Variants in DNAI7 observed in about 807,000 individuals in gnomAD.
DNAI7 encodes the protein dynein axonemal intermediate chain 7, also known as cancer susceptibility 1.
DNAI7 carries 78 observed loss-of-function variants against 86.6 expected under a neutral mutation model. The ratio of observed to expected loss-of-function variants is 0.90; its 90% CI spans 0.75 to 1.09. DNAI7 has a LOEUF of 1.09. Ranked by LOEUF, DNAI7 falls within the 50% of genes least tolerant of loss-of-function variation. The pLI is 0.00. For synonymous variants in DNAI7, 274 were observed against 273.0 expected (o/e 1.00, Z -0.04); for missense variants, 753 against 810.2 (o/e 0.93, Z 0.86).
In DNAI7 at chr12:25,138,340, G is replaced by A. The variant is rs368571666; in HGVS notation, c.1002+6025C>T. 3.3e-4 allele frequency among the ~76,000 whole-genome samples: 50 copies of A among 152,260 alleles called. No homozygotes were observed. The East Asian group carries it at 7.9e-3, about 24-fold the overall frequency. On this transcript the variant is annotated intron_variant, in intron 9 of 15. Transcript: ENST00000395987. The stretch of plus-strand genomic sequence containing the variant: ...TAGCTGGGCATGGTGGCATTTGCCC[G>A]TAATTCCAGCTATCCAGGAGGCTGA...
At chr12:25,145,355 C>G (rs1435298040) in intron 8 of DNAI7, among the ~76,000 whole-genome samples, 1 of 152,136 alleles carries the variant, frequency 6.6e-6, no homozygotes, top group Non-Finnish European at 1.5e-5. Context: ...TCCTTACAAC[C>G]CCCACCCCAA....
At chr12:25,189,614 C>A (rs953851353) in intron 2 of DNAI7, among the ~76,000 whole-genome samples, 2 of 152,086 alleles carry the variant, frequency 1.3e-5, no homozygotes, top group African/African-American at 4.8e-5. Flanking sequence ...TGCACTCCAG[C>A]CTGGGTGTCA....
chr12:25,149,894 C>T, intron 6 of DNAI7, 120 bp from the exon 7 acceptor site: 1 of 586,262 alleles, frequency 1.7e-6, no homozygotes, highest in Non-Finnish European at 2.9e-6. Context: ...ATATAGAAAC[C>T]TTTCCTGTAT....
chr12:25,137,332 C>T (rs762475392), intron 9 of DNAI7, among the ~76,000 whole-genome samples: 1 of 152,012 alleles, frequency 6.6e-6, no homozygotes, highest in African/African-American at 2.4e-5. Flanking sequence ...CAAACAAATG[C>T]TAAGAGAATT....
chr12:25,136,098 G>A (rs1386051554), intron 9 of DNAI7, among the ~76,000 whole-genome samples: 2 of 152,168 alleles, frequency 1.3e-5, no homozygotes, highest in African/African-American at 4.8e-5. Context: ...CAAACAGCCA[G>A]CATTTGAGAA....
rs765008474 is a variant in DNAI7 at position 25,114,821 on chromosome 12, T to G, written c.1446A>C (p.Lys482Asn). 1.2e-6 allele frequency: 2 copies of G among 1,613,972 alleles called. No homozygotes were observed. The highest frequency in any genetic ancestry group is 2.7e-5 in the African/African-American group (2 of 74,934). The change falls in exon 13 of 16, where the codon AAA becomes AAC. Residue 482 changes from lysine to asparagine, a missense_variant. Transcript: ENST00000395987. ...DGISNVSYKP[K>N]ERLVTFSLDT... ...CCAGGCTGAATGTTACAAGTCTTTCTTTTGGTTTGTAGGATACATTGCTGA... is the reference window on the plus strand; with the variant it reads ...CCAGGCTGAATGTTACAAGTCTTTCGTTTGGTTTGTAGGATACATTGCTGA...
chr12:25,162,094 A>G (rs1375983464), intron 2 of DNAI7, among the ~76,000 whole-genome samples: 3 of 152,088 alleles, frequency 2.0e-5, no homozygotes, highest in Non-Finnish European at 4.4e-5. Context: ...GGATTTTAAC[A>G]TTCAAGGGAA....
chr12:25,181,670 A>G (rs1368787220), intron 2 of DNAI7, among the ~76,000 whole-genome samples: 1 of 151,942 alleles, frequency 6.6e-6, no homozygotes, highest in African/African-American at 2.4e-5. Flanking sequence ...CAGAATCGAT[A>G]AGGAACTTAA....
In DNAI7 at chr12:25,140,485, C is replaced by T. The variant is rs1944045873; in HGVS notation, c.1002+3880G>A. Among the ~76,000 whole-genome samples, 3 of 151,966 alleles carry T rather than the reference C, an allele frequency of 2.0e-5. No individual in the cohort carries two copies. In the South Asian group the frequency reaches 6.2e-4, roughly 32 times the overall value. ...AATAAATAAATAAATAAATAAAATA[C>T]TTAGGAATACACCTAACCAAGGAGC... On this transcript the variant is annotated intron_variant, in intron 9 of 15. Transcript: ENST00000395987.
At chr12:25,135,128 G>C (rs941468593) in intron 9 of DNAI7, among the ~76,000 whole-genome samples, 1 of 152,160 alleles carries the variant, frequency 6.6e-6, no homozygotes, top group East Asian at 1.9e-4. Context: ...CAAACTCCAT[G>C]AGACAGCCAA....
At chr12:25,118,568 G>T (rs1940660925) in intron 12 of DNAI7, among the ~76,000 whole-genome samples, 1 of 151,616 alleles carries the variant, frequency 6.6e-6, no homozygotes, top group Non-Finnish European at 1.5e-5. Flanking sequence ...TGGCCTGTTT[G>T]TTTTTTTGAG....
intron 2 of DNAI7, among the ~76,000 whole-genome samples, chr12:25,180,513 C>G (rs1457158089): frequency 2.0e-5 from 3 of 152,056 alleles, no homozygotes; most frequent in African/African-American, 7.2e-5. Context: ...AAAGCTGGAG[C>G]CATCACGTTA....
chr12:25,109,639 T>C (rs2140318910), intron 15 of DNAI7, among the ~76,000 whole-genome samples: 1 of 152,310 alleles, frequency 6.6e-6, no homozygotes, highest in East Asian at 1.9e-4. Flanking sequence ...AACAAAGGCA[T>C]AAACTTTATA....
At chr12:25,186,562 C>T (rs973709049) in intron 2 of DNAI7, among the ~76,000 whole-genome samples, 1 of 152,178 alleles carries the variant, frequency 6.6e-6, no homozygotes, top group Non-Finnish European at 1.5e-5. Flanking sequence ...TCTAATGACA[C>T]ATTTCACCAC....
At chr12:25,146,395 G>GA (rs1481324751) in intron 8 of DNAI7, among the ~76,000 whole-genome samples, 1 of 151,866 alleles carries the variant, frequency 6.6e-6, no homozygotes, top group Non-Finnish European at 1.5e-5. Context: ...TCAGGAGTTT[G>GA]AAACTAACCT....
At chr12:25,173,934 A>ATGGAATATATAT (rs375245718) in intron 2 of DNAI7, among the ~76,000 whole-genome samples, 1,996 of 143,190 alleles carry the variant, frequency 0.014, 33 homozygotes, top group South Asian at 0.057. Context: ...TATCATATAT[A>ATGGAATATATAT]ATCATATATA....
chr12:25,107,049 G>A, downstream of DNAI7: 2 of 1,546,594 alleles, frequency 1.3e-6, no homozygotes, highest in East Asian at 4.6e-5. Flanking sequence ...TGTCTCTTCA[G>A]TGTAAGTTAT....
intron 2 of DNAI7, among the ~76,000 whole-genome samples, chr12:25,181,503 A>G (rs1195903657): frequency 6.6e-6 from 1 of 152,160 alleles, no homozygotes; most frequent in East Asian, 1.9e-4. Context: ...TATAACTAAG[A>G]CCTTAAAAGC....
chr12:25,192,728 A>C (rs1226496770), intron 1 of DNAI7: 1 of 150,454 alleles, frequency 6.6e-6, no homozygotes, highest in Non-Finnish European at 1.5e-5. Flanking sequence ...CTGAGGCAGG[A>C]GAATCGCTTG....
Sources: allele counts gnomAD v4.1 joint callset (sites outside exome capture counted in the v4.1 genomes callset), GRCh38; gene constraint gnomAD v4.1.1; transcripts MANE v1.5; gene names NCBI Gene and HGNC (gene_info 2026-07-23, HGNC 2026-07-21).